The following KDM5A variants were observed in gnomAD, a reference collection of about 807,000 sequenced individuals.
The protein encoded by KDM5A is lysine demethylase 5A, also known as lysine-specific demethylase 5A.
KDM5A carries 42 observed loss-of-function variants against 193.5 expected under a neutral mutation model. The ratio of observed to expected loss-of-function variants is 0.22; its 90% CI spans 0.17 to 0.28. KDM5A has a LOEUF of 0.28. Among genes scored for constraint, KDM5A ranks in the 10% least tolerant of loss-of-function variants. The pLI is 1.00. For synonymous variants in KDM5A, 796 were observed against 718.1 expected, an observed-to-expected ratio of 1.11 and a Z score of -1.73; for missense variants, 1,692 against 2,055.1, an observed-to-expected ratio of 0.82 and a Z score of 3.42.
intron 3 of KDM5A, among the ~76,000 whole-genome samples, chr12:382,756 A>C (rs1218755500): frequency 6.6e-6 from 1 of 152,054 alleles, no homozygotes; most frequent in Non-Finnish European, 1.5e-5. Context: ...AGATAGTGAA[A>C]CCCCATCTCT....
chr12:331,492 G>C (rs1380484925), intron 13 of KDM5A, among the ~76,000 whole-genome samples: 2 of 152,152 alleles, frequency 1.3e-5, no homozygotes, highest in Admixed American at 6.5e-5. Context: ...CAAAATAAAG[G>C]AAAGAAGGAA....
In KDM5A at chr12:307,916, G is replaced by A. The variant is rs2137389794; in HGVS notation, c.3468C>T (p.Asp1156=). ...AANLAKMTMV[D]RIEEVKFCIC... ...TGCAAAATTTTACTTCTTCTATGCG[G>A]TCCACCATTGTCATCTTGGCTAGGT... The change falls in exon 23 of 28, where the codon GAC becomes GAT. Residue 1156 remains aspartate (D), a synonymous_variant. Transcript: ENST00000399788. This position sits in a 1 kb window ranked among gnomAD's most constrained non-coding sequence, Gnocchi z 4.3. 1.1e-5 allele frequency: 18 copies of A among 1,614,122 alleles called. No individual in the cohort carries two copies. Among genetic ancestry groups the A allele is most frequent in the Non-Finnish European group, 1.5e-5 (18 of 1,180,022 alleles).
At chr12:345,182 A>G (rs1011545635) in intron 10 of KDM5A, among the ~76,000 whole-genome samples, 1 of 152,224 alleles carries the variant, frequency 6.6e-6, no homozygotes, top group East Asian at 1.9e-4. Flanking sequence ...AGGCCATTAC[A>G]TAATGGTAAA....
chr12:374,713 A>G (rs4980891), intron 3 of KDM5A, among the ~76,000 whole-genome samples: 152,308 of 152,324 alleles, frequency 1, 76,146 homozygotes, highest in Middle Eastern at 1. Context: ...GGCTGGTACC[A>G]GTTGTTCCTT....
At chr12:375,616 G>T (rs150303882) in intron 3 of KDM5A, among the ~76,000 whole-genome samples, 1 of 152,216 alleles carries the variant, frequency 6.6e-6, no homozygotes, top group Non-Finnish European at 1.5e-5. Flanking sequence ...CGTTGCTGGC[G>T]AGAAGCTGTG....
intron 10 of KDM5A, among the ~76,000 whole-genome samples, chr12:343,104 G>A (rs571835421): frequency 2.0e-5 from 3 of 152,190 alleles, no homozygotes; most frequent in Non-Finnish European, 4.4e-5. Flanking sequence ...TTAGCAACTG[G>A]CAGACAAGGT....
intron 14 of KDM5A, among the ~76,000 whole-genome samples, chr12:324,640 AG>A (rs989574847): frequency 6.6e-6 from 1 of 152,180 alleles, no homozygotes; most frequent in Non-Finnish European, 1.5e-5. Context: ...TGGGAGGCCG[AG>A]GTAGGCAGAT....
chr12:304,019 C>T (rs1344239421), intron 24 of KDM5A, among the ~76,000 whole-genome samples: 3 of 152,290 alleles, frequency 2.0e-5, no homozygotes, highest in Middle Eastern at 3.4e-3. Flanking sequence ...CTTGGTACTG[C>T]CCATTAATCT....
At chr12:341,324 T>C (rs544476463) in intron 10 of KDM5A, among the ~76,000 whole-genome samples, 18 of 152,214 alleles carry the variant, frequency 1.2e-4, no homozygotes, top group Admixed American at 7.2e-4. Context: ...CATTCCAACA[T>C]TGAACTGTTC....
At chr12:286,264 A>C (rs1014580200) in intron 27 of KDM5A, 1 of 466,488 alleles carries the variant, frequency 2.1e-6, no homozygotes, top group East Asian at 6.6e-5. Context: ...CAATTATAAC[A>C]GTCAAAGACA....
chr12:378,526 A>T (rs1944536481), intron 3 of KDM5A, among the ~76,000 whole-genome samples: 1 of 152,162 alleles, frequency 6.6e-6, no homozygotes, highest in Admixed American at 6.5e-5. Context: ...CGGCCTCCCA[A>T]ACTGCTGGGA....
At chr12:376,657 G>A (rs571958586) in intron 3 of KDM5A, among the ~76,000 whole-genome samples, 16 of 152,280 alleles carry the variant, frequency 1.1e-4, no homozygotes, top group Admixed American at 4.6e-4. Flanking sequence ...GAAATCACCC[G>A]TCTTCTGCGT....
intron 3 of KDM5A, among the ~76,000 whole-genome samples, chr12:368,870 T>C: frequency 6.6e-6 from 1 of 152,064 alleles, no homozygotes; most frequent in Admixed American, 6.6e-5. Context: ...ACAAATAAAA[T>C]AAAATATGAA....
Position 285,123 on chromosome 12 carries a change from T to A in KDM5A, c.*333A>T, listed in dbSNP as rs1943203737. 2.7e-6 allele frequency: 1 copy of A among 369,310 alleles called. No homozygotes were observed. Among genetic ancestry groups the A allele is most frequent in the African/African-American group, 2.0e-5 (1 of 50,400 alleles). 22.9% of individuals were successfully genotyped at this position (369,310 alleles called of 1,614,324 possible). On this transcript the variant is annotated 3_prime_UTR_variant, in exon 28 of 28. Coordinates refer to ENST00000399788, the MANE Select transcript of KDM5A (RefSeq NM_001042603.3). ...TACTATCAGCTGGACAAAAGCCACA[T>A]CCTATATGCCCTGTTAGCACACCAA...
rs2137392780 is a variant in KDM5A, at chr12:309,937, C to T, written c.3244G>A (p.Val1082Ile). 6.2e-7 allele frequency: 1 copy of T among 1,613,678 alleles called. No homozygotes were observed. The highest frequency in any genetic ancestry group is 1.7e-5 in the Admixed American group (1 of 59,924). ...QVLSPRTDIGVYGSGKNRRKK... is the reference protein window; with the variant it reads ...QVLSPRTDIGIYGSGKNRRKK... ...CTCCTATTTTTGCCACTCCCATATA[C>T]ACCAATGTCGGTCCGGGGGCTCAGC... Residue 1082 changes from valine to isoleucine, a missense_variant, in exon 22 of 28, where the codon GTA becomes ATA. Coordinates refer to ENST00000399788, the MANE Select transcript of KDM5A (RefSeq NM_001042603.3).
At chr12:375,857 T>C (rs1231416105) in intron 3 of KDM5A, among the ~76,000 whole-genome samples, 1 of 152,236 alleles carries the variant, frequency 6.6e-6, no homozygotes, top group Non-Finnish European at 1.5e-5. Flanking sequence ...CCAGACCCTG[T>C]TTGCCTGTGT....
chr12:336,686 C>G (rs376494946), intron 10 of KDM5A, among the ~76,000 whole-genome samples: 1 of 151,842 alleles, frequency 6.6e-6, no homozygotes, highest in Admixed American at 6.6e-5. Flanking sequence ...AGTAAAAATA[C>G]AAAAATCAGC....
At chr12:371,958 A>G (rs375100256) in intron 3 of KDM5A, among the ~76,000 whole-genome samples, 2 of 152,030 alleles carry the variant, frequency 1.3e-5, no homozygotes, top group Admixed American at 1.3e-4. Context: ...ATTGGTCTCT[A>G]TCTCTGTTTT....
intron 14 of KDM5A, among the ~76,000 whole-genome samples, chr12:324,473 T>C (rs1165226026): frequency 6.6e-6 from 1 of 152,124 alleles, no homozygotes; most frequent in Non-Finnish European, 1.5e-5. Context: ...CACTGACATA[T>C]ACAAACATAT....
Sources: allele counts gnomAD v4.1 joint callset (sites outside exome capture counted in the v4.1 genomes callset), GRCh38; gene constraint gnomAD v4.1.1; non-coding constraint Gnocchi (gnomAD v3.1); transcripts MANE v1.5; gene names NCBI Gene and HGNC (gene_info 2026-07-23, HGNC 2026-07-21).